CNDP1: variants seen among roughly 807,000 people sequenced by gnomAD.
The protein encoded by CNDP1 is beta-Ala-His dipeptidase.
CNDP1 carries 44 observed loss-of-function variants against 58.1 expected under a neutral mutation model. The ratio of observed to expected loss-of-function variants is 0.76; its 90% confidence interval spans 0.60 to 0.97. The LOEUF is 0.97. Ranked by LOEUF, CNDP1 falls within the 50% of genes least tolerant of loss-of-function variation. CNDP1 has a pLI of 0.00. For missense variants in CNDP1, 616 were observed against 655.1 expected, an observed-to-expected ratio of 0.94 and a Z score of 0.65; for synonymous variants, 254 against 252.6, an observed-to-expected ratio of 1.01 and a Z score of -0.05.
At chr18:74,581,700 C>T (rs1241840868) in intron 10 of CNDP1, among the ~76,000 whole-genome samples, 1 of 152,184 alleles carries the variant, frequency 6.6e-6, no homozygotes, top group African/African-American at 2.4e-5. Flanking sequence ...AGGGCGTGTA[C>T]TTGGGTGCTG....
At position 74,534,812 on chromosome 18, in the gene CNDP1, C is replaced by T; in HGVS notation, c.24+121C>T. On this transcript the variant is annotated intron_variant, in intron 1 of 11. Coordinates refer to ENST00000358821, the MANE Select transcript of CNDP1 (RefSeq NM_032649.6). ...GCACCCAGCGTGGCCCCAGATGCTGCTCCTCATGGTGTTCTTAGGTGCTGT... is the reference window on the plus strand; with the variant it reads ...GCACCCAGCGTGGCCCCAGATGCTGTTCCTCATGGTGTTCTTAGGTGCTGT... The T allele has an allele frequency of 3.9e-6, 4 of 1,020,598 alleles. No individual in the cohort carries two copies. The South Asian group carries it at 4.0e-5, about 10-fold the overall frequency. The allele number at this position is 1,020,598 out of a possible 1,614,324, so 63.2% of individuals were successfully genotyped here. A position where few individuals can be genotyped will look rare whatever the true frequency, so the allele number is the denominator to read the frequency against.
intron 4 of CNDP1, 73 bp downstream of exon 4, chr18:74,561,091 G>A: frequency 6.4e-7 from 1 of 1,554,950 alleles, no homozygotes; most frequent in Admixed American, 1.7e-5. Flanking sequence ...ATGAGGCTCT[G>A]TCCCTGGGTT....
rs143921310 is a variant in CNDP1, at chr18:74,583,658, G to A, written c.1407G>A (p.Pro469=). ...TCCACAAGAGCGTGGTGCTAATTCC[G>A]CTGGGAGCTGTTGATGATGGAGAAC... The part of the protein sequence containing the change: ...EIVHKSVVLI[P]LGAVDDGEHS... The change falls in exon 11 of 12, where the codon CCG becomes CCA. Residue 469 remains proline, a synonymous_variant. Transcript: ENST00000358821. 1.8e-5 allele frequency: 29 copies of A among 1,614,002 alleles called. No individual in the cohort carries two copies. The highest frequency in any genetic ancestry group is 2.7e-5 in the African/African-American group (2 of 74,914).
At chr18:74,581,898 G>T (rs1484415896) in intron 10 of CNDP1, among the ~76,000 whole-genome samples, 1 of 152,236 alleles carries the variant, frequency 6.6e-6, no homozygotes, top group Non-Finnish European at 1.5e-5. Flanking sequence ...GATGAGGCCT[G>T]AGGCCACATT....
rs1270975594 is a variant in CNDP1, at chr18:74,567,496, C to T, written c.756+63C>T. ...GGGGTTGTGAATGGGAGCACCAATCCATTCTGGGATCTTGGAGAGGAAGAA... is the reference window on the plus strand; with the variant it reads ...GGGGTTGTGAATGGGAGCACCAATCTATTCTGGGATCTTGGAGAGGAAGAA... On this transcript the variant is annotated intron_variant, in intron 6 of 11. Transcript: ENST00000358821. The T allele has an allele frequency of 2.2e-6, 3 of 1,362,792 alleles. 1 individual carries two copies. Among genetic ancestry groups the T allele is most frequent in the South Asian group, 2.3e-5 (2 of 85,754 alleles). 84.4% of individuals were successfully genotyped at this position (1,362,792 alleles called of 1,614,324 possible). A position where few individuals can be genotyped will look rare whatever the true frequency, so the allele number is the denominator to read the frequency against.
Position 74,559,350 on chromosome 18 carries a change from A to C in CNDP1, c.181A>C (p.Ser61Arg). Residue 61 changes from serine (S) to arginine (R), a missense_variant, in exon 3 of 12, where the codon AGC (serine) becomes CGC (arginine). Physicochemically the swap from Ser to Arg is moderately radical, Grantham distance 110. Transcript: ENST00000358821. ...GCTGAAGGAGTGGGTGGCCATCGAG[A>C]GCGACTCTGTCCAGCCTGTGCCTCG... ...QTLKEWVAIE[S>R]DSVQPVPRFR... 1 of 1,613,842 alleles carries C rather than the reference A, an allele frequency of 6.2e-7. No homozygotes were observed. The highest frequency in any genetic ancestry group is 1.1e-5 in the South Asian group (1 of 91,058).
chr18:74,549,383 T>G (rs1980840781), intron 1 of CNDP1, among the ~76,000 whole-genome samples: 1 of 152,250 alleles, frequency 6.6e-6, no homozygotes, highest in African/African-American at 2.4e-5. Context: ...ATGTTAGTTC[T>G]GTTTAGAAAG....
At chr18:74,556,230 TG>T in intron 1 of CNDP1, 107 bp from the exon 2 acceptor site, 1 of 1,220,364 alleles carries the variant, frequency 8.2e-7, no homozygotes, top group Non-Finnish European at 1.1e-6. Context: ...TCCGACTGAC[TG>T]GAGGCAGCTG....
intron 1 of CNDP1, among the ~76,000 whole-genome samples, chr18:74,547,074 T>C (rs936107112): frequency 4.6e-5 from 7 of 152,214 alleles, no homozygotes; most frequent in Admixed American, 4.6e-4. Context: ...AGTTAATCAA[T>C]CTGCAGGAGC....
At chr18:74,561,919 A>C in intron 4 of CNDP1, 128 bp from the exon 5 acceptor site, 1 of 717,426 alleles carries the variant, frequency 1.4e-6, no homozygotes, top group Non-Finnish European at 2.4e-6. Flanking sequence ...ATTTCATGCA[A>C]GATTTGAGCC....
At chr18:74,562,212 C>A in intron 5 of CNDP1, 77 bp downstream of exon 5, 1 of 1,291,760 alleles carries the variant, frequency 7.7e-7, no homozygotes, top group Non-Finnish European at 1.1e-6. Context: ...TTGCTGTGTT[C>A]TGAGCAAACT....
rs1269157507 is a variant in CNDP1, at chr18:74,586,635, T to C, written c.*2073T>C. ...GAGAGAAGGGGAGGAGAATGAATAG[T>C]TATGGAAGTTGTAGAATCTAGGATA... On this transcript the variant is annotated 3_prime_UTR_variant, in exon 12 of 12. Coordinates refer to ENST00000358821, the MANE Select transcript of CNDP1 (RefSeq NM_032649.6). 1 of 152,188 alleles carries C rather than the reference T, an allele frequency of 6.6e-6. No individual in the cohort carries two copies. The highest frequency in any genetic ancestry group is 2.4e-5 in the African/African-American group (1 of 41,428). The allele number at this position is 152,188 out of a possible 1,614,324, so 9.4% of individuals were successfully genotyped here.
chr18:74,580,579 T>G (rs963669921), intron 10 of CNDP1, among the ~76,000 whole-genome samples: 3 of 152,200 alleles, frequency 2.0e-5, no homozygotes, highest in African/African-American at 7.2e-5. Context: ...GAGACCTGAA[T>G]TTTGAAGAAA....
At chr18:74,569,622 T>C (rs981713423) in intron 6 of CNDP1, among the ~76,000 whole-genome samples, 1 of 152,138 alleles carries the variant, frequency 6.6e-6, no homozygotes, top group Non-Finnish European at 1.5e-5. Flanking sequence ...TGGTCAGAGA[T>C]AACCAGGTCC....
At position 74,562,104 on chromosome 18, in the gene CNDP1, A is replaced by G; in HGVS notation, c.524A>G (p.Asn175Ser). 1 of 1,614,142 alleles carries G rather than the reference A, an allele frequency of 6.2e-7. No homozygotes were observed. The highest frequency in any genetic ancestry group is 8.5e-7 in the Non-Finnish European group (1 of 1,180,000). ...DNKGPVLAWI[N>S]AVSAFRALEQ... ...AAAGGCCCTGTCTTGGCTTGGATCA[A>G]TGCTGTGAGCGCCTTCAGAGCCCTG... The change falls in exon 5 of 12, where the codon AAT becomes AGT. Residue 175 changes from asparagine to serine, a missense_variant. Physicochemically the swap from Asn to Ser is conservative, Grantham distance 46. Coordinates refer to ENST00000358821, the MANE Select transcript of CNDP1 (RefSeq NM_032649.6).
Position 74,556,451 on chromosome 18 carries a change from G to A in CNDP1, c.138G>A (p.Gln46=). Residue 46 remains glutamine, a synonymous_variant, in exon 2 of 12, where the codon CAG becomes CAA. Coordinates refer to ENST00000358821, the MANE Select transcript of CNDP1 (RefSeq NM_032649.6). ...TCTTCCAGTACATTGACCTCCATCA[G>A]GATGAATTTGTGCAGGTAGGAGAAA... ...EKVFQYIDLH[Q]DEFVQTLKEW... 1 of 1,614,216 alleles carries A rather than the reference G, an allele frequency of 6.2e-7. No homozygotes were observed. The highest frequency in any genetic ancestry group is 8.5e-7 in the Non-Finnish European group (1 of 1,180,036).
At chr18:74,550,066 T>A (rs1216785525) in intron 1 of CNDP1, among the ~76,000 whole-genome samples, 3 of 152,208 alleles carry the variant, frequency 2.0e-5, no homozygotes, top group Non-Finnish European at 4.4e-5. Context: ...GAGCCTCTAC[T>A]AGGACAGGTC....
intron 1 of CNDP1, among the ~76,000 whole-genome samples, chr18:74,543,611 C>G (rs920241592): frequency 6.6e-6 from 1 of 151,916 alleles, no homozygotes; most frequent in African/African-American, 2.4e-5. Context: ...AATAACTGAA[C>G]AGTAAAAATT....
At position 74,585,122 on chromosome 18, in the gene CNDP1, A is replaced by G. The variant is rs1196755268; in HGVS notation, c.*560A>G. The G allele has an allele frequency of 2.6e-5, 4 of 152,404 alleles. No individual in the cohort carries two copies. The highest frequency in any genetic ancestry group is 5.9e-5 in the Non-Finnish European group (4 of 68,206). The allele number at this position is 152,404 out of a possible 1,614,324, so 9.4% of individuals were successfully genotyped here. A position where few individuals can be genotyped will look rare whatever the true frequency, so the allele number is the denominator to read the frequency against. On this transcript the variant is annotated 3_prime_UTR_variant, in exon 12 of 12. Coordinates refer to ENST00000358821, the MANE Select transcript of CNDP1 (RefSeq NM_032649.6). ...TCATTTATTTTTTCCCACTTCTTGA[A>G]AAGTTCCGAAGCTGAAATGATCAAT...
Sources: gnomAD v4.1 joint callset for allele counts (sites outside exome capture counted in the v4.1 genomes callset) on GRCh38, gnomAD v4.1.1 for gene constraint, MANE v1.5 for transcripts, NCBI Gene and HGNC (gene_info 2026-07-23, HGNC 2026-07-21) for gene names.